TMCC1: variants seen among roughly 807,000 people sequenced by gnomAD.
The protein encoded by TMCC1 is transmembrane and coiled-coil domain family 1, also known as transmembrane and coiled-coil domains protein 1.
TMCC1 carries 15 observed loss-of-function variants against 52.4 expected under a neutral mutation model. The observed-to-expected ratio is 0.29, with a 90% CI of 0.19 to 0.44. The LOEUF is 0.44. TMCC1 is among the 20% of genes least tolerant of loss of function. The pLI, the probability that TMCC1 is intolerant of heterozygous loss-of-function variation, is 1.00. For missense variants in TMCC1, 503 were observed against 806.0 expected (o/e 0.62, Z 4.55); for synonymous variants, 279 against 301.9 (o/e 0.92, Z 0.79).
intron 4 of TMCC1, among the ~76,000 whole-genome samples, chr3:129,695,386 C>T (rs567279432): frequency 1.8e-4 from 28 of 152,210 alleles, no homozygotes; most frequent in African/African-American, 5.1e-4. Context: ...GTGTATTAGT[C>T]TGTTCTCATG....
Position 129,729,599 on chromosome 3 carries a change from G to A in TMCC1, c.577-58335C>T, listed in dbSNP as rs149554058. Among the ~76,000 whole-genome samples the A allele has an allele frequency of 4.4e-3, 674 of 152,238 alleles. 6 individuals are homozygous for A. The highest frequency in any genetic ancestry group is 4.3e-3 in the Non-Finnish European group (295 of 68,022). On this transcript the variant is annotated intron_variant, in intron 4 of 6. Coordinates refer to ENST00000393238, the MANE Select transcript of TMCC1 (RefSeq NM_001017395.5). ...CCAGCACTTTGGGAGGCCAAGATGG[G>A]AGGTCACTTGAGGCCAGGAGGTTGA...
chr3:129,868,151 C>T (rs539037901), intron 2 of TMCC1, among the ~76,000 whole-genome samples: 1 of 151,866 alleles, frequency 6.6e-6, no homozygotes, highest in Non-Finnish European at 1.5e-5. Context: ...AAAAACCATA[C>T]AAGCAGGAAA....
chr3:129,731,122 A>G (rs1335367542), intron 4 of TMCC1, among the ~76,000 whole-genome samples: 1 of 152,216 alleles, frequency 6.6e-6, no homozygotes, highest in Non-Finnish European at 1.5e-5. Flanking sequence ...GAAGAATAAT[A>G]TACCATAACC....
intron 2 of TMCC1, among the ~76,000 whole-genome samples, chr3:129,879,449 A>C (rs962661045): frequency 1.3e-5 from 2 of 152,210 alleles, no homozygotes; most frequent in African/African-American, 4.8e-5. Context: ...TTAAAAAAAA[A>C]GGTTTTCAGA....
chr3:129,851,260 A>G (rs941402510), intron 2 of TMCC1, among the ~76,000 whole-genome samples: 8 of 152,232 alleles, frequency 5.3e-5, no homozygotes, highest in Non-Finnish European at 1.0e-4. Flanking sequence ...CTACAGGCCT[A>G]TGTAGCACCA....
chr3:129,767,465 AG>A (rs2054223411), intron 4 of TMCC1, among the ~76,000 whole-genome samples: 1 of 151,982 alleles, frequency 6.6e-6, no homozygotes, highest in Non-Finnish European at 1.5e-5. Flanking sequence ...TTTGAACTCC[AG>A]GGTTCAAGCA....
chr3:129,842,431 A>C (rs1477257578), intron 2 of TMCC1, among the ~76,000 whole-genome samples: 1 of 151,896 alleles, frequency 6.6e-6, no homozygotes, highest in Non-Finnish European at 1.5e-5. Flanking sequence ...GTGCCACTGT[A>C]TTCCAGCCTG....
At chr3:129,868,621 T>G (rs1229097709) in intron 2 of TMCC1, among the ~76,000 whole-genome samples, 1 of 152,176 alleles carries the variant, frequency 6.6e-6, no homozygotes, top group Non-Finnish European at 1.5e-5. Context: ...GTATTTTTAG[T>G]AGTGACGGGG....
intron 4 of TMCC1, among the ~76,000 whole-genome samples, chr3:129,748,442 C>G (rs2107649661): frequency 6.6e-6 from 1 of 152,232 alleles, no homozygotes; most frequent in Admixed American, 6.5e-5. Context: ...CGCCTGCCAT[C>G]ATGCCCGGCT....
At chr3:129,753,436 C>T (rs924239766) in intron 4 of TMCC1, among the ~76,000 whole-genome samples, 14 of 152,038 alleles carry the variant, frequency 9.2e-5, no homozygotes, top group African/African-American at 3.4e-4. Context: ...AAAAGCAATA[C>T]ATAAATGCAA....
chr3:129,828,440 C>G lies in TMCC1; in HGVS notation c.-62G>C. ...AATTTTTTAAACACACCAAGAGTGT[C>G]AAATTAGGTAGGCATTTGCTTCAAC... On this transcript the variant is annotated 5_prime_UTR_variant, in exon 4 of 7. Coordinates refer to ENST00000393238, the MANE Select transcript of TMCC1 (RefSeq NM_001017395.5). The surrounding 1 kb of genome is among the most constrained non-coding windows in gnomAD (Gnocchi z 4.1). 6.7e-7 allele frequency: 1 copy of G among 1,503,398 alleles called. No individual in the cohort carries two copies. The highest frequency in any genetic ancestry group is 1.4e-5 in the African/African-American group (1 of 72,162). 93.1% of individuals were successfully genotyped at this position (1,503,398 alleles called of 1,614,324 possible).
chr3:129,657,783 C>A (rs1323782232), intron 5 of TMCC1, among the ~76,000 whole-genome samples: 2 of 152,174 alleles, frequency 1.3e-5, no homozygotes, highest in African/African-American at 2.4e-5. Context: ...ATGGAGAAAT[C>A]TAAACCCTCA....
chr3:129,748,111 A>C (rs1489850164), intron 4 of TMCC1, among the ~76,000 whole-genome samples: 2 of 152,168 alleles, frequency 1.3e-5, no homozygotes, highest in Non-Finnish European at 2.9e-5. Flanking sequence ...ACCTAAAGAA[A>C]TTTTACCCAT....
At chr3:129,748,288 G>A (rs755851283) in intron 4 of TMCC1, among the ~76,000 whole-genome samples, 2 of 152,034 alleles carry the variant, frequency 1.3e-5, no homozygotes, top group South Asian at 2.1e-4. Flanking sequence ...TGAGATTTGG[G>A]TTTTTGTTGT....
intron 1 of TMCC1, among the ~76,000 whole-genome samples, chr3:129,882,273 A>C (rs1335638915): frequency 2.0e-5 from 3 of 152,122 alleles, no homozygotes; most frequent in Non-Finnish European, 4.4e-5. Context: ...CAATATCACA[A>C]ATAATTAGGG....
chr3:129,785,578 CACACACAA>C (rs1448305389), intron 4 of TMCC1, among the ~76,000 whole-genome samples: 2 of 145,928 alleles, frequency 1.4e-5, no homozygotes, highest in East Asian at 1.9e-4. Context: ...CACACACACA[CACACACAA>C]ACACACACAC....
At chr3:129,855,410 T>A (rs1226315592) in intron 2 of TMCC1, among the ~76,000 whole-genome samples, 1 of 151,252 alleles carries the variant, frequency 6.6e-6, no homozygotes, top group Non-Finnish European at 1.5e-5. Context: ...ACTCAACTTA[T>A]CCCAAGATAA....
chr3:129,670,183 A>G, intron 5 of TMCC1, 147 bp downstream of exon 5: 1 of 758,060 alleles, frequency 1.3e-6, no homozygotes, highest in Non-Finnish European at 2.1e-6. Flanking sequence ...ATGCTTCATC[A>G]GGAACTCATG....
chr3:129,759,710 C>CTTTTTTT (rs61519484), intron 4 of TMCC1, among the ~76,000 whole-genome samples: 24 of 37,222 alleles, frequency 6.4e-4, no homozygotes, highest in African/African-American at 2.7e-3. Flanking sequence ...GCCAGCCAAA[C>CTTTTTTT]TTTTTTTTTT....
Sources: gnomAD v4.1 joint callset for allele counts (sites outside exome capture counted in the v4.1 genomes callset) on GRCh38, gnomAD v4.1.1 for gene constraint, Gnocchi (gnomAD v3.1) non-coding constraint, MANE v1.5 for transcripts, NCBI Gene and HGNC (gene_info 2026-07-23, HGNC 2026-07-21) for gene names.